Variants in ZC3H12B observed in about 807,000 individuals in gnomAD.
The protein encoded by ZC3H12B is zinc finger CCCH-type containing 12B.
Under a neutral mutation model 43.9 loss-of-function variants are expected in ZC3H12B, and 7 were observed. The ratio of observed to expected loss-of-function variants is 0.16; its 90% CI spans 0.09 to 0.30. The LOEUF is 0.30. ZC3H12B is among the 10% of genes least tolerant of loss of function. The probability of loss-of-function intolerance (pLI) is 1.00; values close to 1 mark genes in which losing one functional copy is unlikely to be tolerated. For missense variants in ZC3H12B, 475 were observed against 670.2 expected (o/e 0.71, Z 3.22); for synonymous variants, 222 against 241.7 (o/e 0.92, Z 0.76).
At chrX:65,124,002 C>G in the ZC3H12B span, among the ~76,000 whole-genome samples, 2 of 110,738 alleles carry the variant, frequency 1.8e-5, no homozygotes, top group East Asian at 5.7e-4. Flanking sequence ...TGTCTGAGTT[C>G]TCTGGCTAGA....
chrX:65,038,918 G>T, the ZC3H12B span, among the ~76,000 whole-genome samples: 2 of 111,170 alleles, frequency 1.8e-5, no homozygotes, highest in African/African-American at 3.3e-5. Context: ...TTTCCCAGCT[G>T]AGCACAGATC....
chrX:65,108,274 C>T, the ZC3H12B span, among the ~76,000 whole-genome samples: 1 of 111,001 alleles, frequency 9.0e-6, no homozygotes, highest in South Asian at 3.8e-4. Flanking sequence ...CTTTTAACTT[C>T]GTGAATTTTA....
chrX:65,153,981 C>A, the ZC3H12B span, among the ~76,000 whole-genome samples: 2 of 110,125 alleles, frequency 1.8e-5, no homozygotes, highest in African/African-American at 3.3e-5. Context: ...ATTGCAAGGA[C>A]AAAAAACCAA....
At chrX:65,186,978 TG>T in the ZC3H12B span, among the ~76,000 whole-genome samples, 6 of 112,143 alleles carry the variant, frequency 5.4e-5, no homozygotes, top group South Asian at 7.4e-4. Context: ...ACCTGCAAAT[TG>T]TGCTGCTATA....
the ZC3H12B span, among the ~76,000 whole-genome samples, chrX:65,058,543 AGTCT>A: frequency 1.2e-4 from 13 of 111,358 alleles, no homozygotes; most frequent in Admixed American, 1.1e-3. Context: ...TTGAGGAGGC[AGTCT>A]GTCTGTTCTC....
chrX:65,158,420 C>T, the ZC3H12B span, among the ~76,000 whole-genome samples: 4 of 111,478 alleles, frequency 3.6e-5, no homozygotes, highest in Admixed American at 1.9e-4. Flanking sequence ...TTCTCCACAT[C>T]CTCTCCAGCA....
At chrX:65,437,305 C>T (rs2067233040) in intron 3 of ZC3H12B, among the ~76,000 whole-genome samples, 1 of 111,574 alleles carries the variant, frequency 9.0e-6, no homozygotes, top group East Asian at 2.8e-4. Flanking sequence ...CTGCTCTATA[C>T]CCTTCCCAAC....
At chrX:65,449,849 A>G (rs2067445042) in intron 3 of ZC3H12B, among the ~76,000 whole-genome samples, 1 of 110,608 alleles carries the variant, frequency 9.0e-6, no homozygotes, top group South Asian at 3.9e-4. Flanking sequence ...TTGGAGACTC[A>G]GAAGCATGAG....
chrX:65,174,824 C>A, the ZC3H12B span, among the ~76,000 whole-genome samples: 2 of 111,542 alleles, frequency 1.8e-5, no homozygotes, highest in Non-Finnish European at 3.8e-5. Flanking sequence ...GAAAGTGGGA[C>A]CTGCTGAATG....
At chrX:65,367,463 A>T (rs1204628161) in intron 1 of ZC3H12B, among the ~76,000 whole-genome samples, 2 of 111,815 alleles carry the variant, frequency 1.8e-5, no homozygotes, top group Non-Finnish European at 3.8e-5. Flanking sequence ...GTATATTTAC[A>T]TAAAGCTACA....
At chrX:65,246,773 A>T in the ZC3H12B span, among the ~76,000 whole-genome samples, 2 of 112,435 alleles carry the variant, frequency 1.8e-5, no homozygotes, top group African/African-American at 6.5e-5. Flanking sequence ...GATTGAAGAC[A>T]TAAATGTAAA....
the ZC3H12B span, among the ~76,000 whole-genome samples, chrX:65,065,403 CTTTG>C: frequency 2.7e-5 from 3 of 111,622 alleles, no homozygotes; most frequent in African/African-American, 6.5e-5. Context: ...GCTTATGAAG[CTTTG>C]TTTGGCTGAA....
At chrX:65,340,614 C>A in the ZC3H12B span, among the ~76,000 whole-genome samples, 1 of 111,898 alleles carries the variant, frequency 8.9e-6, no homozygotes, top group South Asian at 3.7e-4. Context: ...TCCCTAAAAT[C>A]TTCCAGAAAT....
At chrX:65,260,507 A>C in the ZC3H12B span, among the ~76,000 whole-genome samples, 1 of 111,286 alleles carries the variant, frequency 9.0e-6, no homozygotes, top group Admixed American at 9.6e-5. Flanking sequence ...CTGCACATCA[A>C]ATCTTTGTTA....
At chrX:65,150,986 G>T in the ZC3H12B span, among the ~76,000 whole-genome samples, 3 of 111,714 alleles carry the variant, frequency 2.7e-5, no homozygotes, top group African/African-American at 6.5e-5. Context: ...GGAGGACAGA[G>T]AATTGAAAAA....
the ZC3H12B span, among the ~76,000 whole-genome samples, chrX:65,137,363 A>T: frequency 8.9e-6 from 1 of 112,276 alleles, no homozygotes; most frequent in Non-Finnish European, 1.9e-5. Flanking sequence ...ATAAAATTTC[A>T]GTGTTGCTTG....
chrX:65,353,759 A>T, the ZC3H12B span, among the ~76,000 whole-genome samples: 1 of 111,464 alleles, frequency 9.0e-6, no homozygotes, highest in Non-Finnish European at 1.9e-5. Context: ...TCGACCTGGG[A>T]CACTCGAGCT....
the ZC3H12B span, among the ~76,000 whole-genome samples, chrX:65,286,276 A>G: frequency 8.9e-6 from 1 of 112,070 alleles, no homozygotes; most frequent in East Asian, 2.8e-4. Flanking sequence ...ACATGGATGC[A>G]GCTGGAAGCC....
At chrX:65,192,928 C>T in the ZC3H12B span, among the ~76,000 whole-genome samples, 1 of 110,284 alleles carries the variant, frequency 9.1e-6, no homozygotes, top group African/African-American at 3.3e-5. Context: ...TGCGTGCCAC[C>T]ACCCCCAGCT....
Sources: allele counts gnomAD v4.1 joint callset (sites outside exome capture counted in the v4.1 genomes callset), GRCh38; gene constraint gnomAD v4.1.1; transcripts MANE v1.5; gene names NCBI Gene and HGNC (gene_info 2026-07-23, HGNC 2026-07-21).